The following TMEM63C variants were observed in gnomAD, a reference collection of about 807,000 sequenced individuals.
TMEM63C encodes osmosensitive cation channel TMEM63C.
In TMEM63C, 32 loss-of-function variants were observed where a neutral mutation model predicts 99.2. The observed-to-expected ratio is 0.32, with a 90% CI of 0.24 to 0.43. The LOEUF (loss-of-function observed/expected upper bound fraction) is 0.43, where lower values mean the gene tolerates loss of function less well. Among genes scored for constraint, TMEM63C ranks in the 20% least tolerant of loss-of-function variants. The pLI is 1.00. For missense variants in TMEM63C, 826 were observed against 1,053.0 expected (o/e 0.78, Z 2.98); for synonymous variants, 376 against 397.9 (o/e 0.94, Z 0.66).
intron 9 of TMEM63C, 126 bp downstream of exon 9, chr14:77,236,858 C>G (rs987614560): frequency 2.9e-6 from 2 of 681,430 alleles, no homozygotes; most frequent in African/African-American, 1.8e-5. Context: ...TGGGAGGGGG[C>G]GGTTTCACCT....
chr14:77,194,771 G>A (rs1407047927), intron 1 of TMEM63C, among the ~76,000 whole-genome samples: 2 of 150,960 alleles, frequency 1.3e-5, no homozygotes, highest in African/African-American at 2.4e-5. Context: ...TTGTGGAACC[G>A]GGTTTTTGCC....
chr14:77,231,467 TAA>T (rs11295791), intron 6 of TMEM63C, 119 bp from the exon 7 acceptor site: 86,322 of 952,188 alleles, frequency 0.091, 773 homozygotes, highest in East Asian at 0.13. Flanking sequence ...ATAGAGATAG[TAA>T]AAAAAAAAAA....
intron 8 of TMEM63C, 46 bp downstream of exon 8, chr14:77,233,546 G>T: frequency 6.3e-7 from 1 of 1,596,042 alleles, no homozygotes; most frequent in Non-Finnish European, 8.6e-7. Context: ...TGGGGGTGTT[G>T]GTGTGGAGAG....
chr14:77,188,551 A>G (rs1162404629), intron 1 of TMEM63C, among the ~76,000 whole-genome samples: 1 of 152,202 alleles, frequency 6.6e-6, no homozygotes, highest in Non-Finnish European at 1.5e-5. Context: ...AAGGGTATCT[A>G]GGGCAGCAAT....
intron 6 of TMEM63C, 69 bp downstream of exon 6, chr14:77,225,530 A>G: frequency 6.5e-7 from 1 of 1,546,572 alleles, no homozygotes; most frequent in South Asian, 1.1e-5. Context: ...GCTCCTGGAA[A>G]AGTTAGCAGC....
intron 14 of TMEM63C, 53 bp from the exon 15 acceptor site, chr14:77,242,850 G>A: frequency 6.2e-7 from 1 of 1,606,868 alleles, no homozygotes; most frequent in Non-Finnish European, 8.5e-7. Context: ...ACAGCACGTG[G>A]GCTCTAAGAA....
chr14:77,250,474 C>T (rs1326432880), intron 21 of TMEM63C, among the ~76,000 whole-genome samples: 1 of 149,996 alleles, frequency 6.7e-6, no homozygotes, highest in African/African-American at 2.5e-5. Flanking sequence ...GAGTCTCGCT[C>T]TGTCGCCCAG....
chr14:77,197,697 A>G (rs896471620), intron 1 of TMEM63C, among the ~76,000 whole-genome samples: 52 of 152,200 alleles, frequency 3.4e-4, no homozygotes, highest in African/African-American at 1.2e-3. Flanking sequence ...CAGTCATCCA[A>G]TTCCCTGGCT....
intron 11 of TMEM63C, 27 bp downstream of exon 11, chr14:77,239,519 G>A (rs374419139): frequency 1.9e-6 from 3 of 1,612,676 alleles, no homozygotes; most frequent in Non-Finnish European, 2.5e-6. Context: ...GCCTTTTGGG[G>A]CCCGGGGTGG....
intron 1 of TMEM63C, among the ~76,000 whole-genome samples, chr14:77,207,900 C>T (rs1026104095): frequency 6.6e-6 from 1 of 152,192 alleles, no homozygotes; most frequent in African/African-American, 2.4e-5. Context: ...AGCCTAGCAG[C>T]TTCATTCCTG....
intron 5 of TMEM63C, among the ~76,000 whole-genome samples, chr14:77,225,187 C>T (rs574885265): frequency 1.3e-5 from 2 of 152,336 alleles, no homozygotes; most frequent in Admixed American, 6.5e-5. Flanking sequence ...TCAAGGGTCA[C>T]CTTCTAAACC....
At chr14:77,233,541 G>C in intron 8 of TMEM63C, 41 bp downstream of exon 8, 1 of 1,605,626 alleles carries the variant, frequency 6.2e-7, no homozygotes, top group Non-Finnish European at 8.5e-7. Flanking sequence ...TTGGCTGGGG[G>C]TGTTGGTGTG....
At chr14:77,246,177 G>A (rs975702290) in intron 17 of TMEM63C, among the ~76,000 whole-genome samples, 151 bp downstream of exon 17, 4 of 152,194 alleles carry the variant, frequency 2.6e-5, no homozygotes, top group Admixed American at 2.6e-4. Context: ...CATGAGCCGG[G>A]CTTCCTGCAG....
chr14:77,246,160 G>T, intron 17 of TMEM63C, 134 bp downstream of exon 17: 1 of 743,410 alleles, frequency 1.3e-6, no homozygotes, highest in Non-Finnish European at 2.4e-6. Context: ...GCCTGTCATG[G>T]GTGTAGCATG....
Position 77,251,885 on chromosome 14 carries a change from T to G in TMEM63C, c.2135T>G (p.Val712Gly), listed in dbSNP as rs1889366961. ...VGIFLGKLRMVADYEPEEEEI... is the reference protein window; with the variant it reads ...VGIFLGKLRMGADYEPEEEEI... ...ATTTTTCTGGGGAAGCTTCGGATGG[T>G]TGCCGACTACGAGGTGAGTTGCCAG... Residue 712 changes from valine to glycine, a missense_variant, in exon 22 of 24, where the codon GTT (valine) becomes GGT (glycine). Val to Gly is a moderately radical substitution (Grantham distance 109, BLOSUM62 -3). Coordinates refer to ENST00000298351, the MANE Select transcript of TMEM63C (RefSeq NM_020431.4). 6.2e-7 allele frequency: 1 copy of G among 1,613,630 alleles called. No homozygotes were observed. Among genetic ancestry groups the G allele is most frequent in the Admixed American group, 1.7e-5 (1 of 60,016 alleles).
intron 10 of TMEM63C, among the ~76,000 whole-genome samples, 187 bp from the exon 11 acceptor site, chr14:77,239,225 G>A (rs1429724556): frequency 1.3e-5 from 2 of 152,220 alleles, no homozygotes; most frequent in Admixed American, 1.3e-4. Flanking sequence ...GGAAGGATTT[G>A]GCAGCTCTCA....
At chr14:77,225,914 C>T (rs886887049) in intron 6 of TMEM63C, among the ~76,000 whole-genome samples, 3 of 151,990 alleles carry the variant, frequency 2.0e-5, no homozygotes. Context: ...AGCCCTTGCC[C>T]ACCTCACCTT....
At chr14:77,220,924 T>TCCCACCCACGCCTCCC in intron 5 of TMEM63C, among the ~76,000 whole-genome samples, 1 of 3,608 alleles carries the variant, frequency 2.8e-4, no homozygotes, top group African/African-American at 5.9e-4. Flanking sequence ...TCACGCCTCC[T>TCCCACCCACGCCTCCC]CTCCCACCCA....
At position 77,220,074 on chromosome 14, in the gene TMEM63C, A is replaced by G; in HGVS notation, c.299A>G (p.Glu100Gly). Residue 100 changes from glutamate to glycine, a missense_variant, in exon 5 of 24, where the codon GAA becomes GGA. Physicochemically the swap from Glu to Gly is moderately conservative, Grantham distance 98. Coordinates refer to ENST00000298351, the MANE Select transcript of TMEM63C (RefSeq NM_020431.4). ...CCCTCGGAGACTTCCTTGGAGATGGAACGCAGAGACAAGGTGAGTGCTGGG... is the reference window on the plus strand; with the variant it reads ...CCCTCGGAGACTTCCTTGGAGATGGGACGCAGAGACAAGGTGAGTGCTGGG... The part of the protein sequence containing the change: ...TSPSETSLEM[E>G]RRDKGFCSWF... 6.4e-7 allele frequency: 1 copy of G among 1,558,634 alleles called. No homozygotes were observed. Among genetic ancestry groups the G allele is most frequent in the East Asian group, 2.4e-5 (1 of 41,466 alleles).
Sources: gnomAD v4.1 joint callset for allele counts (sites outside exome capture counted in the v4.1 genomes callset) on GRCh38, gnomAD v4.1.1 for gene constraint, MANE v1.5 for transcripts, NCBI Gene and HGNC (gene_info 2026-07-23, HGNC 2026-07-21) for gene names.